The following TRAPPC6B variants were observed in gnomAD, a reference collection of about 807,000 sequenced individuals.
TRAPPC6B encodes TRAPP complex subunit 6B.
TRAPPC6B carries 27 observed loss-of-function variants against 24.7 expected under a neutral mutation model. The ratio of observed to expected loss-of-function variants is 1.09; its 90% CI spans 0.81 to 1.51. The LOEUF (loss-of-function observed/expected upper bound fraction) is 1.51. Ranked by LOEUF, TRAPPC6B falls within the 40% of genes most tolerant of loss-of-function variation. TRAPPC6B has a pLI of 0.00. For missense variants in TRAPPC6B, 212 were observed against 190.8 expected (o/e 1.11, Z -0.66); for synonymous variants, 80 against 66.6 (o/e 1.20, Z -0.98).
At chr14:39,158,683 A>C (rs371206051) in intron 2 of TRAPPC6B, 1 of 292,452 alleles carries the variant, frequency 3.4e-6, no homozygotes, top group Non-Finnish European at 6.3e-6. Flanking sequence ...CACCATGCTC[A>C]GCTAATCTGT....
intron 4 of TRAPPC6B, among the ~76,000 whole-genome samples, chr14:39,152,608 T>C (rs2052928226): frequency 6.6e-6 from 1 of 152,168 alleles, no homozygotes; most frequent in Non-Finnish European, 1.5e-5. Context: ...AATAAGTAAC[T>C]AGATCTGAGT....
intron 3 of TRAPPC6B, chr14:39,157,593 G>A: frequency 2.7e-6 from 1 of 375,112 alleles, no homozygotes; most frequent in South Asian, 2.1e-5. Context: ...ATAAAATGGG[G>A]GTCCCTTACC....
At chr14:39,158,246 A>T in intron 3 of TRAPPC6B, 39 bp downstream of exon 3, 1 of 1,093,790 alleles carries the variant, frequency 9.1e-7, no homozygotes, top group Non-Finnish European at 1.3e-6. Context: ...ATATCAAGTT[A>T]AAGGACTTTA....
intron 1 of TRAPPC6B, among the ~76,000 whole-genome samples, chr14:39,166,568 C>T (rs549845172): frequency 6.6e-6 from 1 of 152,090 alleles, no homozygotes; most frequent in East Asian, 1.9e-4. Flanking sequence ...TAGCCCTTCC[C>T]GAAACTAAAT....
At chr14:39,152,057 T>G (rs7147194) in intron 4 of TRAPPC6B, among the ~76,000 whole-genome samples, 33,113 of 152,116 alleles carry the variant, frequency 0.22, 4,065 homozygotes, top group Middle Eastern at 0.36. Flanking sequence ...CTCAGCCAAT[T>G]AAGTACTCCA....
Position 39,150,258 on chromosome 14 carries a change from C to T in TRAPPC6B, c.*92G>A, listed in dbSNP as rs998548981. 1.5e-5 allele frequency: 16 copies of T among 1,095,150 alleles called. No individual in the cohort carries two copies. Among genetic ancestry groups the T allele is most frequent in the East Asian group, 2.5e-5 (1 of 40,272 alleles). The allele number at this position is 1,095,150 out of a possible 1,614,324, so 67.8% of individuals were successfully genotyped here. The stretch of plus-strand genomic sequence containing the variant: ...TACATGCTTACTCCTGTACAAACAT[C>T]GAACAATGTAATTAAATCATCACTA... On this transcript the variant is annotated 3_prime_UTR_variant, in exon 6 of 6. Transcript: ENST00000330149.
chr14:39,151,852 A>G lies in TRAPPC6B; in HGVS notation c.352-13T>C. On this transcript the variant is annotated splice_polypyrimidine_tract_variant and intron_variant, in intron 4 of 5. Coordinates refer to ENST00000330149, the MANE Select transcript of TRAPPC6B (RefSeq NM_001079537.2). ...TAAATGCTAAATACTAAAAGGAAAA[A>G]AAATCATTAAAAATAGTAAGGATTT... is the stretch of plus-strand genomic sequence containing the variant. 1 of 1,524,530 alleles carries G rather than the reference A, an allele frequency of 6.6e-7. No individual in the cohort carries two copies. Among genetic ancestry groups the G allele is most frequent in the Non-Finnish European group, 9.0e-7 (1 of 1,116,298 alleles). The allele number at this position is 1,524,530 out of a possible 1,614,324, so 94.4% of individuals were successfully genotyped here.
intron 1 of TRAPPC6B, among the ~76,000 whole-genome samples, chr14:39,165,138 C>T (rs1172949986): frequency 6.6e-6 from 1 of 151,840 alleles, no homozygotes; most frequent in Non-Finnish European, 1.5e-5. Flanking sequence ...CTCTGCCTCC[C>T]AGGTTCACGC....
At chr14:39,155,198 G>C (rs925132835) in intron 3 of TRAPPC6B, among the ~76,000 whole-genome samples, 1 of 152,112 alleles carries the variant, frequency 6.6e-6, no homozygotes, top group Non-Finnish European at 1.5e-5. Context: ...CCAAAGTGCT[G>C]AAATTACATG....
intron 5 of TRAPPC6B, among the ~76,000 whole-genome samples, chr14:39,151,114 G>A (rs905580374): frequency 5.3e-5 from 8 of 151,890 alleles, no homozygotes; most frequent in East Asian, 1.9e-4. Flanking sequence ...TTTTCGGGCC[G>A]GGCGCGGTGG....
intron 4 of TRAPPC6B, among the ~76,000 whole-genome samples, chr14:39,153,554 C>CG (rs939088902): frequency 1.0e-4 from 15 of 150,302 alleles, no homozygotes; most frequent in South Asian, 2.1e-4. Flanking sequence ...CACTTGAGCC[C>CG]GGGGGGGTCA....
Position 39,170,327 on chromosome 14 carries a change from A to G in TRAPPC6B, c.-232T>C, listed in dbSNP as rs916744531. 1 of 536,080 alleles carries G rather than the reference A, an allele frequency of 1.9e-6. No homozygotes were observed. The highest frequency in any genetic ancestry group is 3.3e-6 in the Non-Finnish European group (1 of 305,426). The allele number at this position is 536,080 out of a possible 1,614,324, so 33.2% of individuals were successfully genotyped here. On this transcript the variant is annotated 5_prime_UTR_variant, in exon 1 of 6. Transcript: ENST00000330149. ...GGCTACCAAATCCTAGGGCCGAACT[A>G]AAGTCTGACGGGAGCTCTAACCAAA...
chr14:39,168,402 A>G (rs189495096), intron 1 of TRAPPC6B, among the ~76,000 whole-genome samples: 1 of 152,206 alleles, frequency 6.6e-6, no homozygotes, highest in African/African-American at 2.4e-5. Flanking sequence ...TGAGGTCAAT[A>G]ATAAAGTCAG....
Position 39,151,786 on chromosome 14 carries a change from T to TACAA in TRAPPC6B, c.404_405insTTGT (p.Lys136CysfsTer8). 1 of 1,609,470 alleles carries TACAA rather than the reference T, an allele frequency of 6.2e-7. No homozygotes were observed. Among genetic ancestry groups the TACAA allele is most frequent in the South Asian group, 1.1e-5 (1 of 89,640 alleles). On this transcript the variant is annotated frameshift_variant, in exon 5 of 6. Coordinates refer to ENST00000330149, the MANE Select transcript of TRAPPC6B (RefSeq NM_001079537.2). LOFTEE classifies it high-confidence loss of function. Reference sequence around the variant, plus strand: ...ACACTTCAGCTGTTACAATACTTTTTATTCCCAAGTTTGATAAGCCACCTC... The same window carrying TACAA: ...ACACTTCAGCTGTTACAATACTTTTTACAAATTCCCAAGTTTGATAAGCCACCTC...
chr14:39,156,666 G>A (rs971035541), intron 3 of TRAPPC6B: 1 of 152,098 alleles, frequency 6.6e-6, no homozygotes, highest in Non-Finnish European at 1.5e-5. Context: ...AATAATCCAG[G>A]AGTTATTTAA....
chr14:39,162,293 T>C (rs2053068222), intron 1 of TRAPPC6B, among the ~76,000 whole-genome samples: 1 of 151,662 alleles, frequency 6.6e-6, no homozygotes, highest in Non-Finnish European at 1.5e-5. Context: ...CCCAAGTAGC[T>C]AGGACTACAG....
chr14:39,154,945 A>G (rs992688913), intron 3 of TRAPPC6B, among the ~76,000 whole-genome samples: 3 of 152,202 alleles, frequency 2.0e-5, no homozygotes, highest in Admixed American at 2.0e-4. Context: ...TTATTTATTT[A>G]GACATGAGCT....
chr14:39,159,596 T>C, intron 1 of TRAPPC6B, 46 bp from the exon 2 acceptor site: 1 of 1,385,880 alleles, frequency 7.2e-7, no homozygotes, highest in Non-Finnish European at 1.0e-6. Context: ...AATGCTAGGA[T>C]GTTAGTATTC....
At position 39,170,295 on chromosome 14, in the gene TRAPPC6B, A is replaced by C; in HGVS notation, c.-200T>G. Reference sequence around the variant, plus strand: ...GAGTCTGGTACTGGAGAGAGCCCACACTTCGGGGCTACCAAATCCTAGGGC... The same window carrying C: ...GAGTCTGGTACTGGAGAGAGCCCACCCTTCGGGGCTACCAAATCCTAGGGC... On this transcript the variant is annotated 5_prime_UTR_variant, in exon 1 of 6. Transcript: ENST00000330149. The C allele has an allele frequency of 1.7e-6, 1 of 575,432 alleles. No individual in the cohort carries two copies. The highest frequency in any genetic ancestry group is 3.1e-6 in the Non-Finnish European group (1 of 327,704). The allele number at this position is 575,432 out of a possible 1,614,324, so 35.6% of individuals were successfully genotyped here.
Sources: allele counts gnomAD v4.1 joint callset (sites outside exome capture counted in the v4.1 genomes callset), GRCh38; gene constraint gnomAD v4.1.1; transcripts MANE v1.5; gene names NCBI Gene and HGNC (gene_info 2026-07-23, HGNC 2026-07-21).